The following MIDEAS variants were observed in gnomAD, a reference collection of about 807,000 sequenced individuals.
The protein encoded by MIDEAS is mitotic deacetylase associated SANT domain protein.
In MIDEAS, 26 loss-of-function variants were observed where a neutral mutation model predicts 102.7. That is an observed-to-expected ratio of 0.25 (90% CI 0.19 to 0.35). The LOEUF is 0.35. Among genes scored for constraint, MIDEAS ranks in the 10% least tolerant of loss-of-function variants. The pLI, the probability that MIDEAS is intolerant of heterozygous loss-of-function variation, is 1.00. For synonymous variants in MIDEAS, 585 were observed against 591.0 expected (o/e 0.99, Z 0.15); for missense variants, 1,231 against 1,435.6 (o/e 0.86, Z 2.30).
intron 1 of MIDEAS, among the ~76,000 whole-genome samples, chr14:73,782,156 C>T (rs1432865044): frequency 1.3e-5 from 2 of 152,156 alleles, no homozygotes; most frequent in Non-Finnish European, 2.9e-5. Context: ...AAGAATCTGG[C>T]TTATGAGGCA....
chr14:73,736,958 C>G, intron 3 of MIDEAS, 40 bp downstream of exon 3: 1 of 1,587,030 alleles, frequency 6.3e-7, no homozygotes, highest in Non-Finnish European at 8.6e-7. Context: ...CCCCTGAGCA[C>G]TCACGCGCTG....
In MIDEAS at chr14:73,739,270, T is replaced by C. The variant is rs2053249629; in HGVS notation, c.739A>G (p.Lys247Glu). ...TGTGGTTGCTGCTGCTGCTGCTGCT[T>C]CTGTGGAGGGAAGGCAGCCACCGGG... ...PNPVAAFPPQ[K>E]QQQQQQPQQQ... The change falls in exon 2 of 13, where the codon AAG becomes GAG. Residue 247 changes from lysine (K) to glutamate (E), a missense_variant. Coordinates refer to ENST00000423556, the MANE Select transcript of MIDEAS (RefSeq NM_001367710.1). 3.7e-6 allele frequency: 6 copies of C among 1,611,930 alleles called. No individual in the cohort carries two copies. Among genetic ancestry groups the C allele is most frequent in the Non-Finnish European group, 5.1e-6 (6 of 1,179,820 alleles).
chr14:73,768,803 T>A lies in MIDEAS; in HGVS notation c.-248+18299A>T, dbSNP rs75713110. Among the ~76,000 whole-genome samples the A allele has an allele frequency of 1.1e-3, 163 of 152,270 alleles. 2 individuals carry two copies. The East Asian group carries it at 0.03, about 28-fold the overall frequency. On this transcript the variant is annotated intron_variant, in intron 1 of 11. Coordinates refer to the MIDEAS transcript ENST00000394071. ...CCCAGACTATTGCCAATATTTTTTTTAAATCAGAAAACAAACTAAAAATCA... is the reference window on the plus strand; with the variant it reads ...CCCAGACTATTGCCAATATTTTTTTAAAATCAGAAAACAAACTAAAAATCA...
intron 1 of MIDEAS, among the ~76,000 whole-genome samples, chr14:73,770,193 TG>T (rs1422017344): frequency 6.6e-6 from 1 of 152,042 alleles, no homozygotes; most frequent in Non-Finnish European, 1.5e-5. Context: ...TCATGTTAAG[TG>T]ACAAAATCAG....
At chr14:73,754,527 G>A (rs972287316) in intron 1 of MIDEAS, among the ~76,000 whole-genome samples, 1 of 152,234 alleles carries the variant, frequency 6.6e-6, no homozygotes, top group Non-Finnish European at 1.5e-5. Context: ...CACAGGAGCA[G>A]TCCCTTTCCA....
rs1887901151 is a variant in MIDEAS at position 73,747,024 on chromosome 14, TGA to T, written c.-247-6771_-247-6770del. On this transcript the variant is annotated intron_variant, in intron 1 of 12. Transcript: ENST00000423556. ...AACCCCTGGGGGAGCTCCCTGACTTTGAGCCTCCCCTAGAGCTGTTCCTTCTG... is the reference window on the plus strand; with the variant it reads ...AACCCCTGGGGGAGCTCCCTGACTTTGCCTCCCCTAGAGCTGTTCCTTCTG... Among the ~76,000 whole-genome samples the T allele has an allele frequency of 2.6e-5, 4 of 152,122 alleles. No homozygotes were observed. In the South Asian group the frequency reaches 8.3e-4, roughly 32 times the overall value.
chr14:73,735,651 A>C (rs1171936144), intron 3 of MIDEAS, among the ~76,000 whole-genome samples: 1 of 152,264 alleles, frequency 6.6e-6, no homozygotes, highest in African/African-American at 2.4e-5. Flanking sequence ...ATGGGAGAAG[A>C]TGCACCCTGC....
upstream of MIDEAS, among the ~76,000 whole-genome samples, chr14:73,762,632 C>A (rs917914681): frequency 6.6e-6 from 1 of 152,174 alleles, no homozygotes; most frequent in Non-Finnish European, 1.5e-5. Context: ...GTCAGTTTTG[C>A]TGCAGATATG....
In MIDEAS at chr14:73,742,391, C is replaced by G. The variant is rs74959857; in HGVS notation, c.-247-2136G>C. Reference sequence around the variant, plus strand: ...CCAGTGTGAACCTGATGGAGGGGTGCGCCCCCTCCATGGGGATGGCTGCTC... The same window carrying G: ...CCAGTGTGAACCTGATGGAGGGGTGGGCCCCCTCCATGGGGATGGCTGCTC... On this transcript the variant is annotated intron_variant, in intron 1 of 12. Coordinates refer to ENST00000423556, the MANE Select transcript of MIDEAS (RefSeq NM_001367710.1). The surrounding 1 kb of genome is among the most constrained non-coding windows in gnomAD (Gnocchi z 4.4). Among the ~76,000 whole-genome samples the G allele has an allele frequency of 0.16, 24,469 of 152,244 alleles. 2,192 individuals are homozygous for G. The highest frequency in any genetic ancestry group is 0.28 in the South Asian group (1,356 of 4,820).
chr14:73,731,998 A>C (rs1784175246), intron 3 of MIDEAS, among the ~76,000 whole-genome samples: 1 of 152,258 alleles, frequency 6.6e-6, no homozygotes, highest in African/African-American at 2.4e-5. Flanking sequence ...TCCAAATTCT[A>C]GGGCTAGCTC....
chr14:73,727,516 C>T lies in MIDEAS; in HGVS notation c.2104G>A (p.Glu702Lys). The change falls in exon 5 of 13, where the codon GAA becomes AAA. Residue 702 changes from glutamate to lysine, a missense_variant. Transcript: ENST00000423556. ...HRTLLRTNSA[E>K]VTPPVLSVMG... The stretch of plus-strand genomic sequence containing the variant: ...ACAGAGAGGACAGGCGGGGTTACTT[C>T]AGCACTGTCTATGGGACAAAGAGCA... The T allele has an allele frequency of 5.6e-6, 9 of 1,611,598 alleles. No individual in the cohort carries two copies. The highest frequency in any genetic ancestry group is 7.6e-6 in the Non-Finnish European group (9 of 1,178,892).
chr14:73,758,594 C>T (rs1421226778), intron 1 of MIDEAS, among the ~76,000 whole-genome samples: 1 of 152,252 alleles, frequency 6.6e-6, no homozygotes, highest in Non-Finnish European at 1.5e-5. Flanking sequence ...CCTCTCTTCC[C>T]CCATCCCACC....
upstream of MIDEAS, chr14:73,788,879 A>T (rs1020205282): frequency 1.3e-5 from 2 of 152,044 alleles, no homozygotes; most frequent in Non-Finnish European, 2.9e-5. Context: ...AGAGCTGAAT[A>T]TTTTTTTTGT....
At chr14:73,735,934 GT>G (rs1260552994) in intron 3 of MIDEAS, among the ~76,000 whole-genome samples, 2 of 151,920 alleles carry the variant, frequency 1.3e-5, no homozygotes, top group Non-Finnish European at 2.9e-5. Flanking sequence ...AGGCGGGCAG[GT>G]CACTTGAGGT....
chr14:73,749,032 G>A (rs2053388736), intron 1 of MIDEAS, among the ~76,000 whole-genome samples: 1 of 152,060 alleles, frequency 6.6e-6, no homozygotes. Context: ...ACACATGAGA[G>A]AGAGAAAACA....
In MIDEAS at chr14:73,726,872, G is replaced by A; in HGVS notation, c.2263C>T (p.Pro755Ser). Residue 755 changes from proline (P) to serine (S), a missense_variant, in exon 6 of 13, where the codon CCA becomes TCA. Around this residue, in one of 5 missense-constraint regions of MIDEAS, gnomAD observed 391 missense variants for 483.0 expected, o/e 0.81. Coordinates refer to ENST00000423556, the MANE Select transcript of MIDEAS (RefSeq NM_001367710.1). ...CGGCTGCTCTCTAGGTCCTCCCATG[G>A]CTGCCACACCAAGTCAGCCTTGTGG... ...DPHKADLVWQ[P>S]WEDLESSREK... 14 of 1,612,646 alleles carry A rather than the reference G, an allele frequency of 8.7e-6. No homozygotes were observed. The highest frequency in any genetic ancestry group is 1.1e-5 in the Non-Finnish European group (13 of 1,178,872).
At chr14:73,719,223 C>CCCTCT in intron 12 of MIDEAS, 82 bp downstream of exon 12, 1 of 1,205,196 alleles carries the variant, frequency 8.3e-7, no homozygotes, top group Admixed American at 2.5e-5. Flanking sequence ...TGTACCTCTT[C>CCCTCT]CCCCTCCCCT....
At chr14:73,755,460 T>A (rs561844456) in intron 1 of MIDEAS, among the ~76,000 whole-genome samples, 5 of 152,372 alleles carry the variant, frequency 3.3e-5, no homozygotes, top group African/African-American at 1.2e-4. Context: ...ACTCCCACCC[T>A]TGGCTCTACC....
intron 1 of MIDEAS, among the ~76,000 whole-genome samples, chr14:73,750,317 G>A (rs867646350): frequency 5.3e-5 from 8 of 152,262 alleles, no homozygotes; most frequent in South Asian, 4.1e-4. Flanking sequence ...AATCTACACC[G>A]GTGGGCCTCA....
Sources: allele counts gnomAD v4.1 joint callset (sites outside exome capture counted in the v4.1 genomes callset), GRCh38; gene constraint gnomAD v4.1.1; regional missense constraint gnomAD v4.1.1; non-coding constraint Gnocchi (gnomAD v3.1); transcripts MANE v1.5; gene names NCBI Gene and HGNC (gene_info 2026-07-23, HGNC 2026-07-21).